DMD: variants seen among roughly 807,000 people sequenced by gnomAD.
DMD encodes mutant dystrophin.
DMD carries 63 observed loss-of-function variants against 330.1 expected under a neutral mutation model. That is an observed-to-expected ratio of 0.19 (90% confidence interval 0.16 to 0.24). The LOEUF (loss-of-function observed/expected upper bound fraction) is 0.24, where lower values mean the gene tolerates loss of function less well. Among genes scored for constraint, DMD ranks in the 10% least tolerant of loss-of-function variants. The pLI is 1.00. For synonymous variants in DMD, 1,223 were observed against 959.8 expected (o/e 1.27, Z -5.07); for missense variants, 3,344 against 2,684.1 (o/e 1.25, Z -5.43).
At chrX:31,845,645 G>A (rs1240973736) in intron 48 of DMD, among the ~76,000 whole-genome samples, 2 of 110,473 alleles carry the variant, frequency 1.8e-5, no homozygotes, top group Non-Finnish European at 3.8e-5. Context: ...GGAGCAGCAC[G>A]GATGTTCAGG....
At chrX:32,919,098 C>T (rs1478120331) in intron 2 of DMD, among the ~76,000 whole-genome samples, 1 of 111,528 alleles carries the variant, frequency 9.0e-6, no homozygotes, top group Admixed American at 9.6e-5. Flanking sequence ...AGGAAAATGA[C>T]AAAAAATAGA....
Position 32,805,237 on chromosome X carries a change from A to G in DMD, c.649+4256T>C, listed in dbSNP as rs1326527644. On this transcript the variant is annotated intron_variant, in intron 7 of 78. Transcript: ENST00000357033. The stretch of plus-strand genomic sequence containing the variant: ...TTGAAAAAAGGTTAGAGGAGTTGCT[A>G]ACTACAATAACCAGTTTAGGCAAAA... Among the ~76,000 whole-genome samples, 4 of 111,967 alleles carry G rather than the reference A, an allele frequency of 3.6e-5. No homozygotes were observed. The Admixed American group carries it at 3.8e-4, about 11-fold the overall frequency.
At chrX:32,949,042 T>A (rs2091014438) in intron 2 of DMD, among the ~76,000 whole-genome samples, 1 of 111,137 alleles carries the variant, frequency 9.0e-6, no homozygotes, top group African/African-American at 3.3e-5. Flanking sequence ...TTCTGTTTGC[T>A]CGTCACATAA....
At chrX:32,196,757 G>A (rs1446403021) in intron 44 of DMD, among the ~76,000 whole-genome samples, 17 of 110,167 alleles carry the variant, frequency 1.5e-4, no homozygotes, top group African/African-American at 4.6e-4. Flanking sequence ...AGGCCAAGGT[G>A]GGCAGATCAC....
At chrX:32,333,345 AAG>A (rs1323254859) in intron 41 of DMD, among the ~76,000 whole-genome samples, 2 of 111,135 alleles carry the variant, frequency 1.8e-5, no homozygotes, top group Non-Finnish European at 3.8e-5. Flanking sequence ...TTATTCCTGA[AAG>A]AGAGTTTCTA....
intron 44 of DMD, among the ~76,000 whole-genome samples, chrX:32,188,295 TTTAA>T (rs2096956619): frequency 9.2e-6 from 1 of 108,741 alleles, no homozygotes; most frequent in Admixed American, 1.0e-4. Flanking sequence ...CTATGGAAGC[TTTAA>T]ACTATCAGTT....
chrX:31,825,955 C>A (rs1483265239), intron 49 of DMD, among the ~76,000 whole-genome samples: 1 of 111,478 alleles, frequency 9.0e-6, no homozygotes, highest in Non-Finnish European at 1.9e-5. Flanking sequence ...CTGTGAACTA[C>A]AAAGCACTAT....
At chrX:32,209,027 G>A (rs762939676) in intron 44 of DMD, among the ~76,000 whole-genome samples, 7 of 111,658 alleles carry the variant, frequency 6.3e-5, no homozygotes, top group South Asian at 3.7e-4. Flanking sequence ...GTATTTATTC[G>A]TTCTACTGAA....
At chrX:32,767,665 T>C (rs1389463307) in intron 7 of DMD, among the ~76,000 whole-genome samples, 2 of 111,728 alleles carry the variant, frequency 1.8e-5, no homozygotes, top group Non-Finnish European at 3.8e-5. Flanking sequence ...CATTTTCTCA[T>C]CTGGAATATT....
chrX:32,397,476 T>C (rs1603632497), intron 30 of DMD, among the ~76,000 whole-genome samples: 1 of 111,779 alleles, frequency 8.9e-6, no homozygotes, highest in Non-Finnish European at 1.9e-5. Flanking sequence ...TCAAGTAATA[T>C]AAAGCAAATT....
intron 47 of DMD, among the ~76,000 whole-genome samples, chrX:31,889,640 CTCTCTCTCACACACACACACA>C (rs1398563927): frequency 1.3e-5 from 1 of 74,911 alleles, no homozygotes; most frequent in African/African-American, 5.5e-5. Context: ...CTCTCTCTCT[CTCTCTCTCACACACACACACA>C]CACACACACA....
At position 32,266,260 on chromosome X, in the gene DMD, A is replaced by T. The variant is rs758187481; in HGVS notation, c.6290+21269T>A. Among the ~76,000 whole-genome samples, 6 of 111,379 alleles carry T rather than the reference A, an allele frequency of 5.4e-5. No individual in the cohort carries two copies. The South Asian group carries it at 2.3e-3, about 42-fold the overall frequency. On this transcript the variant is annotated intron_variant, in intron 43 of 78. Transcript: ENST00000357033. ...CCTTTCTGCCACCATATGAAGAAGG[A>T]TGTGATTGCTTCCCCTTCTGGCATG...
intron 7 of DMD, among the ~76,000 whole-genome samples, chrX:32,701,151 AAT>A (rs1330620917): frequency 1.8e-5 from 2 of 111,989 alleles, no homozygotes; most frequent in Non-Finnish European, 3.8e-5. Flanking sequence ...CTGCATTTGC[AAT>A]AGTCTCCCAA....
rs1277724385 is a variant in DMD, at chrX:32,362,896, T to A, written c.5217A>T (p.Ala1739=). 1 of 1,211,327 alleles carries A rather than the reference T, an allele frequency of 8.3e-7. No homozygotes were observed. The highest frequency in any genetic ancestry group is 1.8e-5 in the South Asian group (1 of 56,992). Residue 1739 remains alanine (A), a synonymous_variant, in exon 37 of 79, where the codon GCA becomes GCT. Transcript: ENST00000357033. ...PKVDSTRDQA[A]NLMANRGDHC... ...GGTCACCGCGGTTTGCCATCAAGTT[T>A]GCTGCTTGGTCACGTGTAGAGTCCA... is the stretch of plus-strand genomic sequence containing the variant.
intron 18 of DMD, chrX:32,517,141 T>C (rs1048338934): frequency 8.9e-6 from 1 of 111,884 alleles, no homozygotes; most frequent in Non-Finnish European, 1.9e-5. Flanking sequence ...CTTCATGATT[T>C]GAATCCTGGA....
chrX:31,640,152 C>T (rs983551520), intron 54 of DMD, among the ~76,000 whole-genome samples: 1 of 111,764 alleles, frequency 8.9e-6, no homozygotes, highest in Non-Finnish European at 1.9e-5. Flanking sequence ...AGTTCAGAGC[C>T]CACGTTCTTG....
chrX:31,360,320 C>G (rs2058870575), intron 60 of DMD, among the ~76,000 whole-genome samples: 2 of 111,753 alleles, frequency 1.8e-5, no homozygotes, highest in South Asian at 7.5e-4. Context: ...ATTTAAAAAT[C>G]AAGTCTCTCT....
At chrX:31,395,561 C>G in intron 60 of DMD, among the ~76,000 whole-genome samples, 1 of 112,108 alleles carries the variant, frequency 8.9e-6, no homozygotes. Context: ...CAATGATATA[C>G]AAGTAGAAGT....
chrX:32,565,274 A>C (rs2051557076), intron 16 of DMD, among the ~76,000 whole-genome samples: 2 of 111,741 alleles, frequency 1.8e-5, no homozygotes, highest in African/African-American at 6.5e-5. Context: ...AAAAGACCTG[A>C]ACCCTAGTTC....
Sources: allele counts gnomAD v4.1 joint callset (sites outside exome capture counted in the v4.1 genomes callset), GRCh38; gene constraint gnomAD v4.1.1; transcripts MANE v1.5; gene names NCBI Gene and HGNC (gene_info 2026-07-23, HGNC 2026-07-21).